HECW2: variants seen among roughly 807,000 people sequenced by gnomAD.
HECW2 encodes HECT, C2 and WW domain containing E3 ubiquitin protein ligase 2.
Under a neutral mutation model 175.2 loss-of-function variants are expected in HECW2, and 61 were observed. That is an observed-to-expected ratio of 0.35 (90% CI 0.28 to 0.43). The LOEUF is 0.43. Ranked by LOEUF, HECW2 falls within the 20% of genes least tolerant of loss-of-function variation. The probability of loss-of-function intolerance (pLI) is 1.00; values close to 1 mark genes in which losing one functional copy is unlikely to be tolerated. For synonymous variants in HECW2, 671 were observed against 731.0 expected, an observed-to-expected ratio of 0.92 and a Z score of 1.32; for missense variants, 1,524 against 2,000.5, an observed-to-expected ratio of 0.76 and a Z score of 4.54.
chr2:196,412,679 T>A (rs79607798), intron 2 of HECW2, among the ~76,000 whole-genome samples: 2,639 of 152,368 alleles, frequency 0.017, 28 homozygotes, highest in Middle Eastern at 0.048. Context: ...TACTGCCACA[T>A]CTTGATGCTA....
chr2:196,234,382 G>A (rs570427783), intron 21 of HECW2, among the ~76,000 whole-genome samples: 1 of 151,884 alleles, frequency 6.6e-6, no homozygotes, highest in African/African-American at 2.4e-5. Context: ...TGAGCTCCTG[G>A]ACTCAAGCGA....
At chr2:196,368,816 C>G (rs531009247) in intron 2 of HECW2, among the ~76,000 whole-genome samples, 8 of 152,186 alleles carry the variant, frequency 5.3e-5, no homozygotes, top group African/African-American at 1.9e-4. Flanking sequence ...TTCTGCTTGA[C>G]TCTTTTTAGT....
intron 2 of HECW2, among the ~76,000 whole-genome samples, chr2:196,420,810 G>A (rs1695388280): frequency 6.6e-6 from 1 of 151,736 alleles, no homozygotes. Context: ...ATTATGTTAT[G>A]GAGGTTTGTT....
intron 1 of HECW2, among the ~76,000 whole-genome samples, chr2:196,520,618 C>A (rs1688328072): frequency 6.6e-6 from 1 of 152,172 alleles, no homozygotes; most frequent in Non-Finnish European, 1.5e-5. Context: ...GAAATCACCC[C>A]TAAATATTGG....
intron 1 of HECW2, among the ~76,000 whole-genome samples, chr2:196,447,762 G>A (rs750591499): frequency 8.5e-5 from 13 of 152,066 alleles, no homozygotes; most frequent in Non-Finnish European, 1.6e-4. Flanking sequence ...CCCTCTAAAA[G>A]TTTCAACACT....
intron 1 of HECW2, among the ~76,000 whole-genome samples, chr2:196,512,189 A>AG (rs1687974477): frequency 6.6e-6 from 1 of 152,256 alleles, no homozygotes; most frequent in South Asian, 2.1e-4. Context: ...GTGAGAATGC[A>AG]GGACCCACGG....
intron 28 of HECW2, among the ~76,000 whole-genome samples, chr2:196,215,501 C>A (rs539026552): frequency 2.0e-5 from 3 of 152,122 alleles, no homozygotes; most frequent in African/African-American, 7.2e-5. Flanking sequence ...GAAACTACAA[C>A]GGTAATTTTT....
At chr2:196,346,581 C>A (rs1305261177) in intron 2 of HECW2, among the ~76,000 whole-genome samples, 1 of 152,196 alleles carries the variant, frequency 6.6e-6, no homozygotes, top group African/African-American at 2.4e-5. Context: ...TTCCCAGACC[C>A]TTTACCATGA....
intron 17 of HECW2, among the ~76,000 whole-genome samples, chr2:196,266,777 G>A (rs550185826): frequency 1.3e-5 from 2 of 152,070 alleles, no homozygotes; most frequent in African/African-American, 4.8e-5. Context: ...ATTCTGTATT[G>A]TTTGATAAAC....
At chr2:196,276,459 G>T (rs1689960480) in intron 15 of HECW2, among the ~76,000 whole-genome samples, 1 of 152,184 alleles carries the variant, frequency 6.6e-6, no homozygotes, top group South Asian at 2.1e-4. Flanking sequence ...TTAATCTCAT[G>T]CATGTTTTCC....
chr2:196,194,630 T>C lies in HECW2; in HGVS notation c.*6647A>G, dbSNP rs1484992981. The stretch of plus-strand genomic sequence containing the variant: ...CCATATAATACCACCCAGAAACCAT[T>C]TCTAGGATGTCAACAATCTGCATTA... On this transcript the variant is annotated 3_prime_UTR_variant, in exon 29 of 29. Coordinates refer to ENST00000644978, the MANE Select transcript of HECW2 (RefSeq NM_001348768.2). 1 of 151,976 alleles carries C rather than the reference T, an allele frequency of 6.6e-6. No individual in the cohort carries two copies. Among genetic ancestry groups the C allele is most frequent in the Non-Finnish European group, 1.5e-5 (1 of 67,972 alleles). 9.4% of individuals were successfully genotyped at this position (151,976 alleles called of 1,614,324 possible).
At chr2:196,404,819 C>CTTTTT (rs71012909) in intron 2 of HECW2, among the ~76,000 whole-genome samples, 1 of 80,376 alleles carries the variant, frequency 1.2e-5, no homozygotes, top group African/African-American at 5.4e-5. Context: ...TTTTTCTTCT[C>CTTTTT]TTTTTTTTTT....
chr2:196,344,346 A>G (rs1371546376), intron 2 of HECW2, among the ~76,000 whole-genome samples: 1 of 131,660 alleles, frequency 7.6e-6, no homozygotes, highest in Non-Finnish European at 1.7e-5. Flanking sequence ...AAAAAAAAAG[A>G]GTCTCTATAG....
At chr2:196,214,427 C>T (rs1477642592) in intron 28 of HECW2, among the ~76,000 whole-genome samples, 2 of 152,188 alleles carry the variant, frequency 1.3e-5, no homozygotes, top group African/African-American at 4.8e-5. Context: ...CATTAATCTA[C>T]CCTTTCCTTC....
intron 1 of HECW2, among the ~76,000 whole-genome samples, chr2:196,476,647 CATT>C (rs1686633063): frequency 6.6e-6 from 1 of 151,916 alleles, no homozygotes; most frequent in South Asian, 2.1e-4. Flanking sequence ...ATCCACAAGA[CATT>C]AAACATCTAA....
At chr2:196,450,588 T>C (rs1203749196) in intron 1 of HECW2, among the ~76,000 whole-genome samples, 1 of 149,716 alleles carries the variant, frequency 6.7e-6, no homozygotes, top group Non-Finnish European at 1.5e-5. Context: ...GCCTCCCGGG[T>C]TCAAGAGATT....
At chr2:196,500,208 C>T (rs1395149396) in intron 1 of HECW2, among the ~76,000 whole-genome samples, 2 of 152,094 alleles carry the variant, frequency 1.3e-5, no homozygotes, top group African/African-American at 4.8e-5. Context: ...CTCTACACAA[C>T]TCTAGAACTT....
intron 2 of HECW2, among the ~76,000 whole-genome samples, chr2:196,410,295 T>C (rs1257284565): frequency 6.6e-6 from 1 of 152,210 alleles, no homozygotes; most frequent in Non-Finnish European, 1.5e-5. Context: ...ATGGTACATT[T>C]TGACATAATC....
intron 21 of HECW2, 41 bp from the exon 22 acceptor site, chr2:196,228,295 T>C: frequency 6.4e-7 from 1 of 1,563,232 alleles, no homozygotes; most frequent in South Asian, 1.2e-5. Context: ...TGTTACTTTT[T>C]TTCTAGATAT....
Sources: allele counts gnomAD v4.1 joint callset (sites outside exome capture counted in the v4.1 genomes callset), GRCh38; gene constraint gnomAD v4.1.1; transcripts MANE v1.5; gene names NCBI Gene and HGNC (gene_info 2026-07-23, HGNC 2026-07-21).